The following GATAD2A variants were observed in gnomAD, a reference collection of about 807,000 sequenced individuals.
GATAD2A encodes transcriptional repressor p66-alpha.
GATAD2A carries 12 observed loss-of-function variants against 68.5 expected under a neutral mutation model. The observed-to-expected ratio is 0.18, with a 90% confidence interval of 0.11 to 0.28. GATAD2A has a LOEUF of 0.28. GATAD2A is among the 10% of genes least tolerant of loss of function. The pLI, the probability that GATAD2A is intolerant of heterozygous loss-of-function variation, is 1.00. For missense variants in GATAD2A, 755 were observed against 868.5 expected (o/e 0.87, Z 1.64); for synonymous variants, 410 against 375.3 (o/e 1.09, Z -1.07).
chr19:19,461,865 T>C (rs955204391), intron 1 of GATAD2A, among the ~76,000 whole-genome samples: 1 of 152,188 alleles, frequency 6.6e-6, no homozygotes, highest in African/African-American at 2.4e-5. Context: ...AGTGCTCTCC[T>C]CTTTCAAATG....
At chr19:19,484,749 G>A (rs1028586080) in intron 2 of GATAD2A, among the ~76,000 whole-genome samples, 1 of 152,010 alleles carries the variant, frequency 6.6e-6, no homozygotes, top group Non-Finnish European at 1.5e-5. Flanking sequence ...TAGCCAGGAT[G>A]GTCTCTATCT....
At chr19:19,466,108 C>G (rs780078897) in intron 2 of GATAD2A, among the ~76,000 whole-genome samples, 9 of 152,240 alleles carry the variant, frequency 5.9e-5, no homozygotes, top group Non-Finnish European at 1.2e-4. Flanking sequence ...TCCATGTTCA[C>G]TTGGTGCTGG....
At chr19:19,395,946 C>T (rs149001883) in intron 1 of GATAD2A, among the ~76,000 whole-genome samples, 8 of 152,224 alleles carry the variant, frequency 5.3e-5, no homozygotes, top group African/African-American at 1.9e-4. Context: ...CTCAAATCCT[C>T]GTTTGTGGGC....
At chr19:19,447,859 C>G (rs918000564) in intron 1 of GATAD2A, among the ~76,000 whole-genome samples, 2 of 152,206 alleles carry the variant, frequency 1.3e-5, no homozygotes, top group Non-Finnish European at 2.9e-5. Flanking sequence ...CTTGACATTT[C>G]CTTCCAGGAA....
At chr19:19,412,860 C>T (rs1045703395) in intron 1 of GATAD2A, among the ~76,000 whole-genome samples, 1 of 152,164 alleles carries the variant, frequency 6.6e-6, no homozygotes, top group African/African-American at 2.4e-5. Flanking sequence ...GTAAAGTAGG[C>T]CTCCAATTTA....
chr19:19,495,681 C>A, intron 5 of GATAD2A, 73 bp from the exon 6 acceptor site: 13 of 1,264,256 alleles, frequency 1.0e-5, no homozygotes, highest in South Asian at 1.6e-5. Flanking sequence ...ATAAAAGCAG[C>A]AAAACTGCTT....
At chr19:19,404,755 G>A (rs530487951), upstream of GATAD2A, among the ~76,000 whole-genome samples, 1 of 152,292 alleles carries the variant, frequency 6.6e-6, no homozygotes, top group East Asian at 1.9e-4. Flanking sequence ...TGTTTCAGTT[G>A]TACATATAGA....
At chr19:19,412,305 G>A (rs1242861445) in intron 1 of GATAD2A, among the ~76,000 whole-genome samples, 2 of 151,548 alleles carry the variant, frequency 1.3e-5, no homozygotes, top group South Asian at 2.1e-4. Context: ...ACAGGTGCCC[G>A]CCACCACACC....
intron 8 of GATAD2A, among the ~76,000 whole-genome samples, chr19:19,500,510 T>C (rs2060458831): frequency 6.6e-6 from 1 of 152,156 alleles, no homozygotes; most frequent in African/African-American, 2.4e-5. Context: ...ATGCTTCATG[T>C]ACACTTCCCC....
intron 2 of GATAD2A, among the ~76,000 whole-genome samples, chr19:19,484,586 G>T (rs1269508832): frequency 7.1e-6 from 1 of 140,416 alleles, no homozygotes; most frequent in East Asian, 2.1e-4. Context: ...GCTGGAGTGC[G>T]CAGTGGCACG....
intron 1 of GATAD2A, among the ~76,000 whole-genome samples, chr19:19,393,749 T>G (rs1252694249): frequency 6.6e-6 from 1 of 152,130 alleles, no homozygotes; most frequent in Non-Finnish European, 1.5e-5. Context: ...GTTTCCTGTC[T>G]CTAAAAGGAG....
chr19:19,480,404 C>T (rs1253460353), intron 2 of GATAD2A, among the ~76,000 whole-genome samples: 1 of 152,224 alleles, frequency 6.6e-6, no homozygotes, highest in Non-Finnish European at 1.5e-5. Context: ...TATAAGTTTT[C>T]CAAAATTCTG....
chr19:19,426,998 C>T (rs1168717283), intron 1 of GATAD2A, among the ~76,000 whole-genome samples: 1 of 152,116 alleles, frequency 6.6e-6, no homozygotes, highest in African/African-American at 2.4e-5. Flanking sequence ...ATGTGTGTGG[C>T]TCTGCCTTGA....
At chr19:19,411,860 T>C (rs1388255207) in intron 1 of GATAD2A, among the ~76,000 whole-genome samples, 1 of 152,196 alleles carries the variant, frequency 6.6e-6, no homozygotes, top group African/African-American at 2.4e-5. Context: ...ATCTCAGTTA[T>C]CACATATAAT....
In GATAD2A at chr19:19,505,617, A is replaced by G. The variant is rs1428148322; in HGVS notation, c.*143A>G. 8.6e-6 allele frequency: 6 copies of G among 699,472 alleles called. No individual in the cohort carries two copies. The highest frequency in any genetic ancestry group is 3.6e-4 in the Middle Eastern group (1 of 2,772). The allele number at this position is 699,472 out of a possible 1,614,324, so 43.3% of individuals were successfully genotyped here. ...CAAGCACCGGCCATGCTGCAGAGGC[A>G]AGACCTCAATTCTTGGCTGCAAAGT... is the stretch of plus-strand genomic sequence containing the variant. On this transcript the variant is annotated 3_prime_UTR_variant, in exon 12 of 12. Coordinates refer to ENST00000683918, the MANE Select transcript of GATAD2A (RefSeq NM_001384528.1).
intron 1 of GATAD2A, among the ~76,000 whole-genome samples, chr19:19,406,548 C>T (rs1382836190): frequency 2.0e-5 from 3 of 152,144 alleles, no homozygotes; most frequent in Non-Finnish European, 2.9e-5. Flanking sequence ...AGCTCGCGCC[C>T]TTCCTGCCTA....
At chr19:19,502,785 G>A (rs965031745) in intron 11 of GATAD2A, among the ~76,000 whole-genome samples, 1 of 152,250 alleles carries the variant, frequency 6.6e-6, no homozygotes, top group African/African-American at 2.4e-5. Context: ...CATGGGCCAG[G>A]CCTGGCTCAG....
At chr19:19,386,670 C>T (rs865944436) in intron 1 of GATAD2A, among the ~76,000 whole-genome samples, 2 of 152,192 alleles carry the variant, frequency 1.3e-5, no homozygotes, top group Middle Eastern at 3.4e-3. Context: ...AGGGAACCCC[C>T]GTCTCTCCGA....
intron 1 of GATAD2A, chr19:19,429,130 A>G: frequency 1.1e-6 from 1 of 919,990 alleles, no homozygotes; most frequent in Non-Finnish European, 1.3e-6. Context: ...CGTGGGTGTT[A>G]GATGAGGTGA....
Sources: allele counts gnomAD v4.1 joint callset (sites outside exome capture counted in the v4.1 genomes callset), GRCh38; gene constraint gnomAD v4.1.1; transcripts MANE v1.5; gene names NCBI Gene and HGNC (gene_info 2026-07-23, HGNC 2026-07-21).